MOB3B: variants seen among roughly 807,000 people sequenced by gnomAD.
MOB3B encodes MOB kinase activator-like 2B.
In MOB3B, 7 loss-of-function variants were observed where a neutral mutation model predicts 18.7. The ratio of observed to expected loss-of-function variants is 0.37; its 90% CI spans 0.21 to 0.70. The LOEUF (loss-of-function observed/expected upper bound fraction) is 0.70. MOB3B is among the 30% of genes least tolerant of loss of function. The pLI is 0.52. For missense variants in MOB3B, 253 were observed against 281.3 expected (o/e 0.90, Z 0.72); for synonymous variants, 111 against 99.9 (o/e 1.11, Z -0.66).
At chr9:27,498,398 T>C (rs1184513343) in intron 1 of MOB3B, among the ~76,000 whole-genome samples, 1 of 152,084 alleles carries the variant, frequency 6.6e-6, no homozygotes, top group Non-Finnish European at 1.5e-5. Context: ...GAGGAGCTGG[T>C]GGAATAAGCG....
At chr9:27,454,963 A>G (rs1474538654) in intron 2 of MOB3B, among the ~76,000 whole-genome samples, 170 bp downstream of exon 2, 1 of 152,200 alleles carries the variant, frequency 6.6e-6, no homozygotes, top group Non-Finnish European at 1.5e-5. Context: ...TAAGTGGTCC[A>G]TAAAGTTTTT....
chr9:27,505,213 C>G (rs1187071127), intron 1 of MOB3B, among the ~76,000 whole-genome samples: 1 of 152,116 alleles, frequency 6.6e-6, no homozygotes, highest in Non-Finnish European at 1.5e-5. Flanking sequence ...CTGGTGTTCT[C>G]CTGGACAATG....
chr9:27,463,443 CA>C (rs532721116), intron 1 of MOB3B, among the ~76,000 whole-genome samples: 19 of 151,868 alleles, frequency 1.3e-4, no homozygotes, highest in Non-Finnish European at 2.5e-4. Flanking sequence ...AGAAAAAAAA[CA>C]AAACAGAGGA....
chr9:27,429,797 G>T (rs1360726917), intron 2 of MOB3B, among the ~76,000 whole-genome samples: 1 of 152,170 alleles, frequency 6.6e-6, no homozygotes, highest in East Asian at 1.9e-4. Context: ...CCATAATACT[G>T]AGTTTCAAGG....
intron 1 of MOB3B, among the ~76,000 whole-genome samples, chr9:27,529,125 C>T (rs1220048075): frequency 6.6e-6 from 1 of 152,236 alleles, no homozygotes; most frequent in Non-Finnish European, 1.5e-5. Flanking sequence ...CGTTGTCCCC[C>T]AGCCCAGGCG....
chr9:27,359,375 G>T (rs1821239785), intron 2 of MOB3B, 139 bp from the exon 3 acceptor site: 4 of 514,292 alleles, frequency 7.8e-6, no homozygotes, highest in South Asian at 2.1e-5. Context: ...GAGTGTGTGT[G>T]TGTGGGGGGG....
chr9:27,524,710 T>A, intron 1 of MOB3B: 1 of 1,613,990 alleles, frequency 6.2e-7, no homozygotes, highest in Non-Finnish European at 8.5e-7. Context: ...GCAGAGTACC[T>A]GAACCAATGC....
chr9:27,349,801 G>A (rs1821080202), intron 3 of MOB3B, among the ~76,000 whole-genome samples: 2 of 152,192 alleles, frequency 1.3e-5, no homozygotes, highest in African/African-American at 4.8e-5. Context: ...TAAAGTAGGA[G>A]AGAAGTGGCT....
In MOB3B at chr9:27,405,093, C is replaced by CTT. The variant is rs74178386; in HGVS notation, c.419-45859_419-45858dup. On this transcript the variant is annotated intron_variant, in intron 2 of 3. Transcript: ENST00000262244. ...AGAAATATCTATTCAGAACCTTTGT[C>CTT]TTTTTTTTTTTTTTTTTTTTTTTTT... 3.8e-3 allele frequency among the ~76,000 whole-genome samples: 185 copies of CTT among 48,422 alleles called. 35 individuals are homozygous for CTT. The highest frequency in any genetic ancestry group is 0.013 in the African/African-American group (151 of 11,328). The allele number at this position is 48,422 out of a possible 152,430, so 31.8% of individuals were successfully genotyped here. A position where few individuals can be genotyped will look rare whatever the true frequency, so the allele number is the denominator to read the frequency against.
At chr9:27,511,293 A>G (rs76574894) in intron 1 of MOB3B, among the ~76,000 whole-genome samples, 4,783 of 152,258 alleles carry the variant, frequency 0.031, 99 homozygotes, top group Middle Eastern at 0.065. Context: ...GTTTAATAGA[A>G]AATCAGGCAG....
chr9:27,385,240 T>C (rs529409081), intron 2 of MOB3B, among the ~76,000 whole-genome samples: 4 of 152,202 alleles, frequency 2.6e-5, no homozygotes, highest in Non-Finnish European at 5.9e-5. Context: ...GTAACTTTTT[T>C]TTATAGCAAA....
intron 1 of MOB3B, among the ~76,000 whole-genome samples, chr9:27,462,540 T>C (rs1006609210): frequency 6.6e-6 from 1 of 152,242 alleles, no homozygotes; most frequent in Non-Finnish European, 1.5e-5. Context: ...TAAGTATTTT[T>C]ACTTTATAAA....
At chr9:27,507,503 CAGGACTGGCATGGACATTT>C (rs1442046021) in intron 1 of MOB3B, among the ~76,000 whole-genome samples, 3 of 152,168 alleles carry the variant, frequency 2.0e-5, no homozygotes, top group African/African-American at 7.2e-5. Context: ...TTACAGCAAC[CAGGACTGGCATGGACATTT>C]TTCTGATGAG....
intron 3 of MOB3B, among the ~76,000 whole-genome samples, chr9:27,343,087 T>C (rs1404231843): frequency 6.6e-6 from 1 of 151,890 alleles, no homozygotes; most frequent in Non-Finnish European, 1.5e-5. Context: ...TGTGTCGGTG[T>C]AGAAAGAAGT....
intron 2 of MOB3B, among the ~76,000 whole-genome samples, chr9:27,370,080 T>C (rs1454925531): frequency 6.6e-6 from 1 of 152,118 alleles, no homozygotes; most frequent in Non-Finnish European, 1.5e-5. Context: ...TGCAACGGAT[T>C]GAATGCTTAT....
intron 1 of MOB3B, among the ~76,000 whole-genome samples, chr9:27,485,847 A>T (rs185533512): frequency 6.6e-6 from 1 of 152,380 alleles, no homozygotes; most frequent in African/African-American, 2.4e-5. Context: ...TCCTGTATGT[A>T]TAAAACTCAC....
At chr9:27,522,937 G>A (rs61050438) in intron 1 of MOB3B, among the ~76,000 whole-genome samples, 8,596 of 150,368 alleles carry the variant, frequency 0.057, 408 homozygotes, top group African/African-American at 0.13. Context: ...ATTTTTTTCC[G>A]TAAGAAACCT....
At chr9:27,343,896 A>T (rs1820993923) in intron 3 of MOB3B, among the ~76,000 whole-genome samples, 1 of 152,074 alleles carries the variant, frequency 6.6e-6, no homozygotes. Context: ...CTCACTTGCA[A>T]ATCCTAAAGA....
At chr9:27,373,058 A>G (rs1479395845) in intron 2 of MOB3B, among the ~76,000 whole-genome samples, 1 of 152,252 alleles carries the variant, frequency 6.6e-6, no homozygotes, top group Non-Finnish European at 1.5e-5. Context: ...GGTCAAAAAT[A>G]TTTGATTGGC....
Sources: allele counts gnomAD v4.1 joint callset (sites outside exome capture counted in the v4.1 genomes callset), GRCh38; gene constraint gnomAD v4.1.1; transcripts MANE v1.5; gene names NCBI Gene and HGNC (gene_info 2026-07-23, HGNC 2026-07-21).